Variants in MTCL2 observed in about 807,000 individuals in gnomAD.
The protein encoded by MTCL2 is microtubule crosslinking factor 2, also known as microtubule cross-linking factor 2.
the MTCL2 span, among the ~76,000 whole-genome samples, chr20:36,803,622 G>A: frequency 6.6e-6 from 1 of 151,938 alleles, no homozygotes; most frequent in Non-Finnish European, 1.5e-5. Flanking sequence ...GAGAGTAGTG[G>A]CCCCAGGAAG....
At chr20:36,862,547 C>T in the MTCL2 span, 2 of 1,065,676 alleles carry the variant, frequency 1.9e-6, no homozygotes, top group Non-Finnish European at 2.5e-6. Flanking sequence ...GGGCTTGGGC[C>T]CCTTTCTCCG....
chr20:36,863,421 C>G, the MTCL2 span: 1 of 1,067,064 alleles, frequency 9.4e-7, no homozygotes, highest in South Asian at 4.6e-5. This position sits in a 1 kb window ranked among gnomAD's most constrained non-coding sequence, Gnocchi z 6.2. Context: ...GGGAGGGACC[C>G]GGCGCGGCTC....
the MTCL2 span, among the ~76,000 whole-genome samples, chr20:36,858,463 AACACACACACACACACACACACACACAC>A: frequency 8.1e-4 from 21 of 25,806 alleles, no homozygotes; most frequent in East Asian, 6.6e-3. Flanking sequence ...AAGGAGGGAA[AACACACACACACACACACACACACACAC>A]ACACACACAC....
the MTCL2 span, chr20:36,782,484 A>C: frequency 6.6e-6 from 1 of 152,204 alleles, no homozygotes. Flanking sequence ...ATGTCCTGCC[A>C]AGGCTGCCTC....
the MTCL2 span, among the ~76,000 whole-genome samples, chr20:36,786,994 A>C: frequency 1.3e-5 from 2 of 151,874 alleles, no homozygotes; most frequent in East Asian, 3.9e-4. Flanking sequence ...CTTCCTTTTT[A>C]TCCTTTTTTT....
the MTCL2 span, among the ~76,000 whole-genome samples, chr20:36,836,476 C>T: frequency 6.6e-6 from 1 of 150,670 alleles, no homozygotes; most frequent in Non-Finnish European, 1.5e-5. Context: ...TCCTGAGTAG[C>T]TGGGAGTACA....
the MTCL2 span, among the ~76,000 whole-genome samples, chr20:36,842,278 A>T: frequency 1.3e-5 from 2 of 152,236 alleles, no homozygotes; most frequent in Non-Finnish European, 2.9e-5. Flanking sequence ...ATGCATGTTT[A>T]GTCAGGTCAA....
the MTCL2 span, chr20:36,863,333 C>T: frequency 7.7e-6 from 9 of 1,175,702 alleles, no homozygotes; most frequent in Non-Finnish European, 9.5e-6. The surrounding 1 kb of genome is among the most constrained non-coding windows in gnomAD (Gnocchi z 6.2). Flanking sequence ...GCTCGGCCGC[C>T]GGCGCCTCCA....
the MTCL2 span, among the ~76,000 whole-genome samples, chr20:36,830,197 C>G: frequency 1.3e-5 from 2 of 151,960 alleles, no homozygotes; most frequent in South Asian, 4.2e-4. Flanking sequence ...TCACAAAAGC[C>G]TGTGGGAGGG....
At chr20:36,859,690 T>C in the MTCL2 span, 4 of 1,231,602 alleles carry the variant, frequency 3.2e-6, no homozygotes, top group East Asian at 9.5e-5. Flanking sequence ...TCCTTCGCAG[T>C]TGACAGTTCC....
the MTCL2 span, among the ~76,000 whole-genome samples, chr20:36,831,859 C>G: frequency 6.6e-6 from 1 of 152,176 alleles, no homozygotes; most frequent in Non-Finnish European, 1.5e-5. Flanking sequence ...TAAACATGGT[C>G]CCCAGTTTGG....
chr20:36,795,800 AC>A, the MTCL2 span, among the ~76,000 whole-genome samples: 43 of 152,112 alleles, frequency 2.8e-4, no homozygotes, highest in Non-Finnish European at 5.6e-4. Flanking sequence ...AACAAAAAAA[AC>A]AAAACACACG....
the MTCL2 span, among the ~76,000 whole-genome samples, chr20:36,810,942 G>A: frequency 2.6e-5 from 4 of 151,910 alleles, no homozygotes; most frequent in East Asian, 1.9e-4. Flanking sequence ...GGCTCATCTC[G>A]AACTCCTAGG....
At chr20:36,819,291 T>C in the MTCL2 span, among the ~76,000 whole-genome samples, 1 of 152,212 alleles carries the variant, frequency 6.6e-6, no homozygotes, top group Non-Finnish European at 1.5e-5. Flanking sequence ...GTTTTGACTT[T>C]TCAAGGTGGG....
the MTCL2 span, chr20:36,803,165 C>T: frequency 7.2e-6 from 11 of 1,530,268 alleles, no homozygotes; most frequent in Non-Finnish European, 9.7e-6. Flanking sequence ...CTTGGCCCTT[C>T]TCTCTCCTTC....
At chr20:36,786,496 G>A in the MTCL2 span, 49 of 1,544,952 alleles carry the variant, frequency 3.2e-5, no homozygotes, top group East Asian at 1.2e-4. Context: ...CACTCGCTGG[G>A]GGGGAGTGCC....
the MTCL2 span, among the ~76,000 whole-genome samples, chr20:36,810,923 T>C: frequency 6.6e-6 from 1 of 152,128 alleles, no homozygotes; most frequent in Non-Finnish European, 1.5e-5. Flanking sequence ...GATTTTGCCA[T>C]GTTGCCCAGG....
chr20:36,790,298 G>A, the MTCL2 span, among the ~76,000 whole-genome samples: 1 of 150,146 alleles, frequency 6.7e-6, no homozygotes, highest in Non-Finnish European at 1.5e-5. Flanking sequence ...GCCAATTTTT[G>A]TATTTTTTAA....
At chr20:36,836,050 CA>C in the MTCL2 span, among the ~76,000 whole-genome samples, 8 of 151,072 alleles carry the variant, frequency 5.3e-5, no homozygotes, top group Non-Finnish European at 1.2e-4. Context: ...TCCCCCTCCC[CA>C]TCTCCTCCCT....
Sources: gnomAD v4.1 joint callset for allele counts (sites outside exome capture counted in the v4.1 genomes callset) on GRCh38, gnomAD v4.1.1 for gene constraint, Gnocchi (gnomAD v3.1) non-coding constraint, MANE v1.5 for transcripts, NCBI Gene and HGNC (gene_info 2026-07-23, HGNC 2026-07-21) for gene names.